Variants in TENM1 observed in about 807,000 individuals in gnomAD.
TENM1 encodes teneurin-1.
Under a neutral mutation model 174.8 loss-of-function variants are expected in TENM1, and 35 were observed. That is an observed-to-expected ratio of 0.20 (90% CI 0.15 to 0.27). The LOEUF (loss-of-function observed/expected upper bound fraction) is 0.27. Ranked by LOEUF, TENM1 falls within the 10% of genes least tolerant of loss-of-function variation. TENM1 has a pLI of 1.00. For missense variants in TENM1, 1,633 were observed against 2,130.1 expected (o/e 0.77, Z 4.59); for synonymous variants, 781 against 798.7 (o/e 0.98, Z 0.37).
At chrX:124,970,308 T>C in the TENM1 span, among the ~76,000 whole-genome samples, 172 of 111,403 alleles carry the variant, frequency 1.5e-3, no homozygotes, top group African/African-American at 5.3e-3. Flanking sequence ...CTCAGAAAAA[T>C]AAATTAAAGG....
chrX:124,591,550 C>G (rs1026938968), intron 11 of TENM1, among the ~76,000 whole-genome samples: 2 of 111,641 alleles, frequency 1.8e-5, no homozygotes, highest in Non-Finnish European at 3.8e-5. Flanking sequence ...AAAACAGGCC[C>G]CTAATCTCTC....
At chrX:124,693,008 C>CAAAAAAAAAAAAAAAA (rs576815327) in intron 5 of TENM1, among the ~76,000 whole-genome samples, 3 of 33,512 alleles carry the variant, frequency 9.0e-5, no homozygotes, top group Non-Finnish European at 1.9e-4. Flanking sequence ...AACTCCATCT[C>CAAAAAAAAAAAAAAAA]AAAAAAAAAA....
chrX:124,999,579 C>T, the TENM1 span, among the ~76,000 whole-genome samples: 2 of 111,037 alleles, frequency 1.8e-5, no homozygotes, highest in East Asian at 5.7e-4. Context: ...CTATCTGGAG[C>T]ACAGTGAGAG....
At chrX:124,380,817 T>A in exon 32 of TENM1, 1 of 1,211,810 alleles carries the variant, frequency 8.3e-7, no homozygotes, top group Non-Finnish European at 1.1e-6. Flanking sequence ...CCATACCGGA[T>A]GTTGAAGCAC....
chrX:124,945,616 C>T (rs1428400634), intron 1 of TENM1, among the ~76,000 whole-genome samples: 1 of 110,678 alleles, frequency 9.0e-6, no homozygotes, highest in Non-Finnish European at 1.9e-5. Context: ...TGGATGAGGT[C>T]ACGAATCATA....
chrX:124,492,395 C>T (rs1416467652), intron 20 of TENM1, among the ~76,000 whole-genome samples: 1 of 111,294 alleles, frequency 9.0e-6, no homozygotes, highest in Non-Finnish European at 1.9e-5. Flanking sequence ...ACTTATTTCT[C>T]TCCAGGAAGT....
chrX:124,472,751 C>A (rs138491745), intron 22 of TENM1, among the ~76,000 whole-genome samples: 243 of 110,523 alleles, frequency 2.2e-3, no homozygotes, highest in African/African-American at 7.4e-3. Context: ...TTCTGGATTC[C>A]CTAGGAAGTC....
chrX:124,636,418 T>G (rs2050880356), intron 11 of TENM1, among the ~76,000 whole-genome samples: 1 of 111,937 alleles, frequency 8.9e-6, no homozygotes, highest in Admixed American at 9.5e-5. Context: ...GCTGCTGAGT[T>G]TTGGGTCATA....
intron 5 of TENM1, among the ~76,000 whole-genome samples, chrX:124,693,471 T>C (rs1416324749): frequency 8.9e-6 from 1 of 111,963 alleles, no homozygotes; most frequent in Non-Finnish European, 1.9e-5. Context: ...TATTTCAATT[T>C]CGTTCCCTTT....
At chrX:124,862,659 C>T (rs187485118) in intron 3 of TENM1, among the ~76,000 whole-genome samples, 87 of 111,238 alleles carry the variant, frequency 7.8e-4, no homozygotes, top group African/African-American at 2.8e-3. Flanking sequence ...CTACAGCATT[C>T]TGTGCCTCCA....
chrX:125,166,176 A>G, the TENM1 span, among the ~76,000 whole-genome samples: 1 of 111,548 alleles, frequency 9.0e-6, no homozygotes, highest in African/African-American at 3.3e-5. Context: ...GTAAGTTCAA[A>G]GGAAACAATT....
chrX:124,406,449 T>C, exon 26 of TENM1: 1 of 1,208,509 alleles, frequency 8.3e-7, no homozygotes. Flanking sequence ...ACCTCTCCAG[T>C]GGGAAACGTT....
chrX:124,380,527 A>C, exon 32 of TENM1: 1 of 1,180,448 alleles, frequency 8.5e-7, no homozygotes, highest in East Asian at 3.0e-5. Context: ...AAAGGCAGAG[A>C]TATTTTTGTT....
chrX:124,738,283 A>C (rs1454436329), intron 3 of TENM1, among the ~76,000 whole-genome samples: 1 of 111,450 alleles, frequency 9.0e-6, no homozygotes, highest in East Asian at 2.8e-4. Context: ...CTAGCAAAGG[A>C]CTCAGCTGGT....
intron 3 of TENM1, among the ~76,000 whole-genome samples, chrX:124,792,540 C>T (rs1225367945): frequency 1.6e-4 from 18 of 111,379 alleles, no homozygotes; most frequent in African/African-American, 5.2e-4. Flanking sequence ...CATTTCTCAC[C>T]CAGAAAAAAA....
intron 22 of TENM1, among the ~76,000 whole-genome samples, chrX:124,479,705 A>G (rs2046804809): frequency 9.0e-6 from 1 of 111,639 alleles, no homozygotes; most frequent in Non-Finnish European, 1.9e-5. Context: ...TTTTCAGACT[A>G]GCAGCAACTC....
intron 11 of TENM1, among the ~76,000 whole-genome samples, chrX:124,589,000 GT>G (rs2049644409): frequency 9.1e-6 from 1 of 110,317 alleles, no homozygotes; most frequent in Non-Finnish European, 1.9e-5. Context: ...AATGCTTCCA[GT>G]TTTTGCCTGT....
upstream of TENM1, among the ~76,000 whole-genome samples, chrX:124,965,913 C>A (rs999146839): frequency 9.0e-6 from 1 of 111,494 alleles, no homozygotes; most frequent in Non-Finnish European, 1.9e-5. Flanking sequence ...CAAAAGTGAG[C>A]TCTTAATTCC....
At chrX:124,782,719 T>C (rs1191294121) in intron 3 of TENM1, among the ~76,000 whole-genome samples, 1 of 110,906 alleles carries the variant, frequency 9.0e-6, no homozygotes, top group Non-Finnish European at 1.9e-5. Context: ...GTCATAGCAT[T>C]AACTACATTT....
Sources: allele counts gnomAD v4.1 joint callset (sites outside exome capture counted in the v4.1 genomes callset), GRCh38; gene constraint gnomAD v4.1.1; transcripts MANE v1.5; gene names NCBI Gene and HGNC (gene_info 2026-07-23, HGNC 2026-07-21).